GRIN2C: variants seen among roughly 807,000 people sequenced by gnomAD.
GRIN2C encodes glutamate receptor ionotropic, NMDA 2C.
Under a neutral mutation model 77.7 loss-of-function variants are expected in GRIN2C, and 64 were observed. That is an observed-to-expected ratio of 0.82 (90% CI 0.67 to 1.01). The LOEUF is 1.01. Ranked by LOEUF, GRIN2C falls within the 50% of genes least tolerant of loss-of-function variation. The pLI is 0.00. For synonymous variants in GRIN2C, 792 were observed against 643.4 expected (o/e 1.23, Z -3.49); for missense variants, 1,549 against 1,486.0 (o/e 1.04, Z -0.70).
Position 74,850,523 on chromosome 17 carries a change from G to T in GRIN2C, c.1325+33C>A. On this transcript the variant is annotated intron_variant, in intron 5 of 12. Coordinates refer to ENST00000293190, the MANE Select transcript of GRIN2C (RefSeq NM_000835.6). The surrounding 1 kb of genome is among the most constrained non-coding windows in gnomAD (Gnocchi z 5.3). ...CCTGACCATCACACGGCAGCACCCA[G>T]CTCACACTAGCCTCCCAGGGCCCTC... 1 of 1,601,814 alleles carries T rather than the reference G, an allele frequency of 6.2e-7. No individual in the cohort carries two copies. Among genetic ancestry groups the T allele is most frequent in the East Asian group, 2.2e-5 (1 of 44,820 alleles).
At chr17:74,855,246 G>GA (rs2037789246) in intron 1 of GRIN2C, 139 bp from the exon 2 acceptor site, 2 of 631,786 alleles carry the variant, frequency 3.2e-6, no homozygotes, top group African/African-American at 1.8e-5. Context: ...GAAGAGAGGC[G>GA]GAGAGAGAGG....
Position 74,850,220 on chromosome 17 carries a change from C to G in GRIN2C, c.1477G>C (p.Gly493Arg). 6.2e-7 allele frequency: 1 copy of G among 1,613,514 alleles called. No individual in the cohort carries two copies. The highest frequency in any genetic ancestry group is 8.5e-7 in the Non-Finnish European group (1 of 1,179,948). Reference sequence around the variant, plus strand: ...GTGGGGCCTACCTCCCCAATCATGCCGTTCCATACGCCGCGCACCCGCTTG... The same window carrying G: ...GTGGGGCCTACCTCCCCAATCATGCGGTTCCATACGCCGCGCACCCGCTTG... Reference protein sequence around the residue: ...HGKRVRGVWNGMIGEVYYKRA... With the variant: ...HGKRVRGVWNRMIGEVYYKRA... Residue 493 changes from glycine to arginine, a missense_variant, in exon 6 of 13, where the codon GGC becomes CGC. Gly to Arg is a moderately radical substitution (Grantham distance 125). Around this residue, in one of 3 missense-constraint regions of GRIN2C, gnomAD observed 717 missense variants for 858.1 expected, o/e 0.84. Transcript: ENST00000293190. The surrounding 1 kb of genome is among the most constrained non-coding windows in gnomAD (Gnocchi z 5.3).
Position 74,854,907 on chromosome 17 carries a change from G to C in GRIN2C, c.186C>G (p.Ile62Met). Residue 62 changes from isoleucine (I) to methionine (M), a missense_variant, in exon 2 of 13, where the codon ATC becomes ATG. Physicochemically the swap from Ile to Met is conservative, Grantham distance 10. Coordinates refer to ENST00000293190, the MANE Select transcript of GRIN2C (RefSeq NM_000835.6). ...PQSFLDLPLEIQPLTVGVNTT... is the reference protein window; with the variant it reads ...PQSFLDLPLEMQPLTVGVNTT... Reference sequence around the variant, plus strand: ...TGTTGACCCCAACTGTGAGCGGCTGGATCTCCAGGGGTAGGTCCAGGAAGC... The same window carrying C: ...TGTTGACCCCAACTGTGAGCGGCTGCATCTCCAGGGGTAGGTCCAGGAAGC... The C allele has an allele frequency of 6.2e-7, 1 of 1,613,436 alleles. No homozygotes were observed. Among genetic ancestry groups the C allele is most frequent in the Non-Finnish European group, 8.5e-7 (1 of 1,179,600 alleles).
At chr17:74,855,192 C>G (rs1489702947) in intron 1 of GRIN2C, 85 bp from the exon 2 acceptor site, 15 of 1,099,780 alleles carry the variant, frequency 1.4e-5, no homozygotes, top group Non-Finnish European at 1.9e-5. Flanking sequence ...CAGAGGGACA[C>G]ACATACGGAA....
upstream of GRIN2C, chr17:74,860,878 C>A (rs1048966703): frequency 2.2e-5 from 6 of 270,106 alleles, no homozygotes; most frequent in Middle Eastern, 1.3e-3. Flanking sequence ...GAGGCGAGTG[C>A]GCAGCAGGTG....
At chr17:74,855,877 T>C (rs2037806148) in intron 1 of GRIN2C, among the ~76,000 whole-genome samples, 1 of 152,240 alleles carries the variant, frequency 6.6e-6, no homozygotes, top group Non-Finnish European at 1.5e-5. Context: ...ACTACAGCCC[T>C]TCCTTCTGTG....
chr17:74,842,992 G>GCTCCGGGGT lies in GRIN2C; in HGVS notation c.3144_3145insACCCCGGAG (p.Glu1048_Leu1049insThrProGlu). Reference sequence around the variant, plus strand: ...GGACCGAGCAGCGGCAGGTCCTCCAGCTCCGGGAAGAGCGGGAGGAAGGGG... The same window carrying GCTCCGGGGT: ...GGACCGAGCAGCGGCAGGTCCTCCAGCTCCGGGGTCTCCGGGAAGAGCGGGAGGAAGGGG... On this transcript the variant is annotated inframe_insertion, in exon 13 of 13. Transcript: ENST00000293190. 1 of 370,302 alleles carries GCTCCGGGGT rather than the reference G, an allele frequency of 2.7e-6. No individual in the cohort carries two copies. Among genetic ancestry groups the GCTCCGGGGT allele is most frequent in the Non-Finnish European group, 4.4e-6 (1 of 226,624 alleles). 22.9% of individuals were successfully genotyped at this position (370,302 alleles called of 1,614,324 possible). A position where few individuals can be genotyped will look rare whatever the true frequency, so the allele number is the denominator to read the frequency against.
At position 74,846,125 on chromosome 17, in the gene GRIN2C, T is replaced by C; in HGVS notation, c.2291A>G (p.Gln764Arg). The C allele has an allele frequency of 1.9e-6, 3 of 1,614,198 alleles. No homozygotes were observed. The highest frequency in any genetic ancestry group is 2.5e-6 in the Non-Finnish European group (3 of 1,180,008). The change falls in exon 11 of 13, where the codon CAG becomes CGG. Residue 764 changes from glutamine (Q) to arginine (R), a missense_variant. By Grantham distance (43) the Gln-to-Arg change is conservative (BLOSUM62 1). Transcript: ENST00000293190. The surrounding 1 kb of genome is among the most constrained non-coding windows in gnomAD (Gnocchi z 4.4). ...FATTGYGIAM[Q>R]KDSHWKRAID... ...GGCCCGCTTCCAGTGGGAGTCCTTC[T>C]GCATGGCGATGCCGTAGCCAGTGGT...
chr17:74,847,279 C>G lies in GRIN2C; in HGVS notation c.2001+29G>C, dbSNP rs370066897. ...CCTGTCCCCACCCTCAGTGCCCCCC[C>G]CCACCCCCAGCAGCTATGGCCCCAC... On this transcript the variant is annotated intron_variant, in intron 9 of 12. Transcript: ENST00000293190. This position sits in a 1 kb window ranked among gnomAD's most constrained non-coding sequence, Gnocchi z 5.2. The G allele has an allele frequency of 1.1e-5, 12 of 1,111,812 alleles. 1 individual carries two copies. Among genetic ancestry groups the G allele is most frequent in the Non-Finnish European group, 1.4e-5 (10 of 731,464 alleles). The allele number at this position is 1,111,812 out of a possible 1,614,324, so 68.9% of individuals were successfully genotyped here.
At position 74,847,839 on chromosome 17, in the gene GRIN2C, A is replaced by G. The variant is rs768060104; in HGVS notation, c.1771+13T>C. On this transcript the variant is annotated intron_variant, in intron 8 of 12. Coordinates refer to ENST00000293190, the MANE Select transcript of GRIN2C (RefSeq NM_000835.6). The surrounding 1 kb of genome is among the most constrained non-coding windows in gnomAD (Gnocchi z 5.2). ...CAGGCCCACCCCTCCTGCCGGGCCC[A>G]GGCAAGGCTTACTCTTGCCTCTGGT... is the stretch of plus-strand genomic sequence containing the variant. 3 of 1,613,758 alleles carry G rather than the reference A, an allele frequency of 1.9e-6. No individual in the cohort carries two copies. Among genetic ancestry groups the G allele is most frequent in the South Asian group, 1.1e-5 (1 of 91,040 alleles).
intron 12 of GRIN2C, chr17:74,843,943 G>A (rs746277122): frequency 1.2e-4 from 55 of 476,966 alleles, no homozygotes; most frequent in South Asian, 3.5e-4. Context: ...GTGCCATCTC[G>A]GCTCACTGCA....
rs2037502637 is a variant in GRIN2C at position 74,847,601 on chromosome 17, C to T, written c.1772-64G>A. On this transcript the variant is annotated intron_variant, in intron 8 of 12. Coordinates refer to ENST00000293190, the MANE Select transcript of GRIN2C (RefSeq NM_000835.6). This position sits in a 1 kb window ranked among gnomAD's most constrained non-coding sequence, Gnocchi z 5.2. ...GCCCACCATGAAAGGGCTCAGGGCT[C>T]AGCCCACCCGACTGCACAGCTCCGG... The T allele has an allele frequency of 8.1e-7, 1 of 1,231,312 alleles. No homozygotes were observed. Among genetic ancestry groups the T allele is most frequent in the Non-Finnish European group, 1.2e-6 (1 of 861,038 alleles). The allele number at this position is 1,231,312 out of a possible 1,614,324, so 76.3% of individuals were successfully genotyped here.
In GRIN2C at chr17:74,851,370, G is replaced by T. The variant is rs756147260; in HGVS notation, c.1113+207C>A. ...TGTTCTATAGTAGAGGGAAGCCGGGGTGTTATGGGAGCCCAGAGCAGGGCA... is the reference window on the plus strand; with the variant it reads ...TGTTCTATAGTAGAGGGAAGCCGGGTTGTTATGGGAGCCCAGAGCAGGGCA... On this transcript the variant is annotated intron_variant, in intron 4 of 12. Coordinates refer to ENST00000293190, the MANE Select transcript of GRIN2C (RefSeq NM_000835.6). 2.8e-4 allele frequency: 159 copies of T among 560,506 alleles called. 1 individual carries two copies. The highest frequency in any genetic ancestry group is 5.0e-4 in the Admixed American group (16 of 32,046). The allele number at this position is 560,506 out of a possible 1,614,324, so 34.7% of individuals were successfully genotyped here. A position where few individuals can be genotyped will look rare whatever the true frequency, so the allele number is the denominator to read the frequency against.
intron 4 of GRIN2C, chr17:74,851,166 T>G (rs1331069745): frequency 3.2e-6 from 1 of 311,914 alleles, no homozygotes; most frequent in Admixed American, 4.5e-5. Flanking sequence ...CTGGGACCTC[T>G]TTCCCAGTTT....
chr17:74,851,689 T>G lies in GRIN2C; in HGVS notation c.1001A>C (p.His334Pro), dbSNP rs999039492. Residue 334 changes from histidine (H) to proline (P), a missense_variant and splice_region_variant, in exon 4 of 13, where the codon CAC becomes CCC. Physicochemically the swap from His to Pro is moderately conservative, Grantham distance 77. Transcript: ENST00000293190. ...VSPAREAFYR[H>P]LLNVTWEGRD... ...GCCCTCCCAGGTGACATTCAGTAGG[T>G]GCCTGCCAGAGGGGAGAGATGCCTG... 17 of 1,550,066 alleles carry G rather than the reference T, an allele frequency of 1.1e-5. No individual in the cohort carries two copies. Among genetic ancestry groups the G allele is most frequent in the Non-Finnish European group, 1.5e-5 (17 of 1,143,036 alleles).
At chr17:74,844,074 A>G (rs1456967982) in intron 12 of GRIN2C, 3 of 1,078,636 alleles carry the variant, frequency 2.8e-6, no homozygotes, top group Non-Finnish European at 3.9e-6. Flanking sequence ...GGTTTTCGCC[A>G]TGTTGCCCAG....
At position 74,849,723 on chromosome 17, in the gene GRIN2C, A is replaced by ACC. The variant is rs2037571937; in HGVS notation, c.1645+55_1645+56dup. On this transcript the variant is annotated intron_variant, in intron 7 of 12. Transcript: ENST00000293190. The surrounding 1 kb of genome is among the most constrained non-coding windows in gnomAD (Gnocchi z 4.6). Reference sequence around the variant, plus strand: ...CCCCATCCCCACCCAAGCTGTACACACCCTCCTCGTGGGCCCCTCTGCCCC... The same window carrying ACC: ...CCCCATCCCCACCCAAGCTGTACACACCCCCTCCTCGTGGGCCCCTCTGCCCC... 6.5e-7 allele frequency: 1 copy of ACC among 1,532,760 alleles called. No individual in the cohort carries two copies. 94.9% of individuals were successfully genotyped at this position (1,532,760 alleles called of 1,614,324 possible).
chr17:74,847,137 G>T lies in GRIN2C; in HGVS notation c.2001+171C>A. 1.4e-6 allele frequency: 1 copy of T among 720,042 alleles called. No homozygotes were observed. Among genetic ancestry groups the T allele is most frequent in the Non-Finnish European group, 2.3e-6 (1 of 440,628 alleles). The allele number at this position is 720,042 out of a possible 1,614,324, so 44.6% of individuals were successfully genotyped here. A position where few individuals can be genotyped will look rare whatever the true frequency, so the allele number is the denominator to read the frequency against. On this transcript the variant is annotated intron_variant, in intron 9 of 12. Coordinates refer to ENST00000293190, the MANE Select transcript of GRIN2C (RefSeq NM_000835.6). The surrounding 1 kb of genome is among the most constrained non-coding windows in gnomAD (Gnocchi z 5.2). ...CCAAGGCCTCTCAGCCGGTGGCCCT[G>T]AGCCATCTCTTGCCCCAGCCCCCAA... is the stretch of plus-strand genomic sequence containing the variant.
At position 74,850,778 on chromosome 17, in the gene GRIN2C, T is replaced by C; in HGVS notation, c.1114-11A>G. On this transcript the variant is annotated splice_polypyrimidine_tract_variant and intron_variant, in intron 4 of 12. Transcript: ENST00000293190. This position sits in a 1 kb window ranked among gnomAD's most constrained non-coding sequence, Gnocchi z 5.3. ...CTCCCAGCGCCCCACCTGTGGAGGG[T>C]GACAGCCTCAGCCTGGGGCCTCCAG... 6.2e-7 allele frequency: 1 copy of C among 1,604,760 alleles called. No individual in the cohort carries two copies. The highest frequency in any genetic ancestry group is 2.2e-5 in the East Asian group (1 of 44,566).
Sources: allele counts gnomAD v4.1 joint callset (sites outside exome capture counted in the v4.1 genomes callset), GRCh38; gene constraint gnomAD v4.1.1; regional missense constraint gnomAD v4.1.1; non-coding constraint Gnocchi (gnomAD v3.1); transcripts MANE v1.5; gene names NCBI Gene and HGNC (gene_info 2026-07-23, HGNC 2026-07-21).